GAPVD1: variants seen among roughly 807,000 people sequenced by gnomAD.
The protein encoded by GAPVD1 is GTPase activating protein and VPS9 domains 1.
In GAPVD1, 35 loss-of-function variants were observed where a neutral mutation model predicts 155.5. The observed-to-expected ratio is 0.23, with a 90% CI of 0.17 to 0.30. GAPVD1 has a LOEUF of 0.30. GAPVD1 is among the 10% of genes least tolerant of loss of function. GAPVD1 has a pLI of 1.00. For missense variants in GAPVD1, 1,429 were observed against 1,775.7 expected (o/e 0.80, Z 3.51); for synonymous variants, 636 against 619.7 (o/e 1.03, Z -0.39).
chr9:125,302,211 C>T lies in GAPVD1; in HGVS notation c.414C>T (p.Gly138=). Reference sequence around the variant, plus strand: ...ACACAGTTTTTACCTCCCTGTATGGCAATTGCATCATGCAAGAAGATGAAA... The same window carrying T: ...ACACAGTTTTTACCTCCCTGTATGGTAATTGCATCATGCAAGAAGATGAAA... ...VIYTVFTSLY[G]NCIMQEDESY... Residue 138 remains glycine, a synonymous_variant, in exon 5 of 28, where the codon GGC becomes GGT. Coordinates refer to ENST00000297933, the MANE Select transcript of GAPVD1 (RefSeq NM_001282680.3). 1 of 1,613,252 alleles carries T rather than the reference C, an allele frequency of 6.2e-7. No individual in the cohort carries two copies. The highest frequency in any genetic ancestry group is 2.2e-5 in the East Asian group (1 of 44,872).
At chr9:125,330,048 T>C in intron 12 of GAPVD1, 30 bp from the exon 13 acceptor site, 2 of 1,560,600 alleles carry the variant, frequency 1.3e-6, no homozygotes, top group Non-Finnish European at 1.7e-6. Context: ...AGGATCTTTG[T>C]TAACCCTTTG....
At chr9:125,323,114 A>T (rs1844616443) in intron 10 of GAPVD1, among the ~76,000 whole-genome samples, 1 of 150,242 alleles carries the variant, frequency 6.7e-6, no homozygotes, top group Admixed American at 6.7e-5. Flanking sequence ...AATTATTATT[A>T]TTATTTTTTG....
chr9:125,289,807 C>G (rs1838293991), intron 2 of GAPVD1, among the ~76,000 whole-genome samples: 1 of 152,186 alleles, frequency 6.6e-6, no homozygotes, highest in Admixed American at 6.5e-5. Flanking sequence ...ATGATTGAGA[C>G]TGAATGAGAT....
At chr9:125,307,094 C>T (rs1247733518) in intron 6 of GAPVD1, among the ~76,000 whole-genome samples, 2 of 151,986 alleles carry the variant, frequency 1.3e-5, no homozygotes, top group Non-Finnish European at 2.9e-5. Flanking sequence ...GGCAAAACCC[C>T]ATCTCTACTA....
chr9:125,358,350 C>T (rs1850414286), intron 25 of GAPVD1, among the ~76,000 whole-genome samples: 1 of 152,176 alleles, frequency 6.6e-6, no homozygotes, highest in Non-Finnish European at 1.5e-5. Context: ...AAGTGATCCA[C>T]CCACCTTGGC....
intron 13 of GAPVD1, among the ~76,000 whole-genome samples, chr9:125,331,229 C>T (rs1230574655): frequency 2.7e-5 from 4 of 148,970 alleles, no homozygotes. Flanking sequence ...GAGATGGAGT[C>T]TCACTCTGTC....
chr9:125,360,101 C>T (rs574574286), intron 26 of GAPVD1, among the ~76,000 whole-genome samples: 17 of 152,250 alleles, frequency 1.1e-4, no homozygotes, highest in Admixed American at 9.8e-4. Flanking sequence ...TTTAAATTAA[C>T]CTCTTTTATC....
chr9:125,337,259 A>G lies in GAPVD1; in HGVS notation c.2545A>G (p.Arg849Gly). ...GGTAAGGCCAAAGGTTCACTATGCT[A>G]GGCCATCGCATCCACCACCAGATCC... The part of the protein sequence containing the change: ...AVVRPKVHYA[R>G]PSHPPPDPPI... Residue 849 changes from arginine to glycine, a missense_variant, in exon 17 of 28, where the codon AGG becomes GGG. By Grantham distance (125) the Arg-to-Gly change is moderately radical. Coordinates refer to ENST00000297933, the MANE Select transcript of GAPVD1 (RefSeq NM_001282680.3). 1.2e-6 allele frequency: 2 copies of G among 1,614,098 alleles called. No individual in the cohort carries two copies. Among genetic ancestry groups the G allele is most frequent in the Non-Finnish European group, 1.7e-6 (2 of 1,179,982 alleles).
At chr9:125,324,065 A>C in intron 11 of GAPVD1, 142 bp downstream of exon 11, 1 of 661,006 alleles carries the variant, frequency 1.5e-6, no homozygotes, top group Non-Finnish European at 2.6e-6. Context: ...TCATTCCTTC[A>C]GTTCTTCAAA....
At chr9:125,323,527 G>T (rs1341607502) in intron 10 of GAPVD1, among the ~76,000 whole-genome samples, 1 of 152,100 alleles carries the variant, frequency 6.6e-6, no homozygotes, top group East Asian at 1.9e-4. Flanking sequence ...GGATGGTCTC[G>T]ATCTCCTGAC....
intron 6 of GAPVD1, among the ~76,000 whole-genome samples, chr9:125,306,682 A>G (rs1309265027): frequency 6.6e-6 from 1 of 152,022 alleles, no homozygotes; most frequent in Non-Finnish European, 1.5e-5. Flanking sequence ...TCATAGAGAC[A>G]AGGTTTTGCC....
chr9:125,292,015 G>A (rs1297697420), intron 2 of GAPVD1, among the ~76,000 whole-genome samples: 1 of 152,146 alleles, frequency 6.6e-6, no homozygotes, highest in Admixed American at 6.6e-5. Context: ...GCTGAGGTGG[G>A]AGGATTGCTT....
intron 8 of GAPVD1, among the ~76,000 whole-genome samples, chr9:125,310,399 C>A (rs772762816): frequency 6.6e-6 from 1 of 152,098 alleles, no homozygotes; most frequent in Non-Finnish European, 1.5e-5. Flanking sequence ...GTGAAGTTGA[C>A]TTTTGCTGCT....
chr9:125,358,515 A>T (rs759857237), intron 25 of GAPVD1, among the ~76,000 whole-genome samples: 1 of 152,222 alleles, frequency 6.6e-6, no homozygotes, highest in Non-Finnish European at 1.5e-5. Flanking sequence ...CCTGACTCCC[A>T]GGGGTCCGTG....
At chr9:125,347,080 A>G (rs892452464) in intron 20 of GAPVD1, 139 bp downstream of exon 20, 2 of 776,194 alleles carry the variant, frequency 2.6e-6, no homozygotes, top group African/African-American at 3.5e-5. Flanking sequence ...TGCCTAAACA[A>G]ATGTTTAAAT....
At chr9:125,359,266 A>G (rs2062015513) in intron 25 of GAPVD1, among the ~76,000 whole-genome samples, 154 bp from the exon 26 acceptor site, 1 of 152,144 alleles carries the variant, frequency 6.6e-6, no homozygotes, top group African/African-American at 2.4e-5. Flanking sequence ...AAGAATACTT[A>G]TCTAAGAGGC....
Position 125,323,795 on chromosome 9 carries a change from T to C in GAPVD1, c.1733-3T>C, listed in dbSNP as rs1844745701. 6.2e-7 allele frequency: 1 copy of C among 1,613,622 alleles called. No homozygotes were observed. The highest frequency in any genetic ancestry group is 8.5e-7 in the Non-Finnish European group (1 of 1,179,618). ...ATTGCTCACACTATAAACATTTCTC[T>C]AGGTCCTTCAAATCGCTCCAATTCA... is the stretch of plus-strand genomic sequence containing the variant. On this transcript the variant is annotated splice_region_variant and splice_polypyrimidine_tract_variant and intron_variant, in intron 10 of 27. Coordinates refer to ENST00000297933, the MANE Select transcript of GAPVD1 (RefSeq NM_001282680.3).
intron 2 of GAPVD1, among the ~76,000 whole-genome samples, chr9:125,293,880 A>AAATATATTT (rs1564312137): frequency 0.019 from 389 of 20,392 alleles, 21 homozygotes; most frequent in African/African-American, 0.076. Context: ...ATATATATAT[A>AAATATATTT]TATATATATA....
chr9:125,279,248 C>T (rs947485336), intron 2 of GAPVD1, among the ~76,000 whole-genome samples: 1 of 151,422 alleles, frequency 6.6e-6, no homozygotes, highest in Admixed American at 6.6e-5. Context: ...CTCTTTTGCC[C>T]TATTACATTA....
Sources: gnomAD v4.1 joint callset for allele counts (sites outside exome capture counted in the v4.1 genomes callset) on GRCh38, gnomAD v4.1.1 for gene constraint, MANE v1.5 for transcripts, NCBI Gene and HGNC (gene_info 2026-07-23, HGNC 2026-07-21) for gene names.